Variants in GRAP2 observed in about 807,000 individuals in gnomAD.
The protein encoded by GRAP2 is GRB2-related adapter protein 2.
In GRAP2, 31 loss-of-function variants were observed where a neutral mutation model predicts 43.5. The ratio of observed to expected loss-of-function variants is 0.71; its 90% CI spans 0.54 to 0.96. The LOEUF is 0.96. Among genes scored for constraint, GRAP2 ranks in the 40% least tolerant of loss-of-function variants. The pLI is 0.00. For synonymous variants in GRAP2, 156 were observed against 164.8 expected, an observed-to-expected ratio of 0.95 and a Z score of 0.41; for missense variants, 371 against 424.4, an observed-to-expected ratio of 0.87 and a Z score of 1.11.
At chr22:39,917,296 C>T (rs1033429124) in intron 1 of GRAP2, among the ~76,000 whole-genome samples, 1 of 152,110 alleles carries the variant, frequency 6.6e-6, no homozygotes, top group Non-Finnish European at 1.5e-5. Flanking sequence ...CAGCCCAAAG[C>T]CCCCCTCTCT....
At chr22:39,967,018 A>G (rs1400454294) in intron 5 of GRAP2, among the ~76,000 whole-genome samples, 1 of 151,778 alleles carries the variant, frequency 6.6e-6, no homozygotes, top group Non-Finnish European at 1.5e-5. Context: ...ACACACACCA[A>G]TTTATGAACT....
chr22:39,953,825 G>C (rs1192305698), intron 2 of GRAP2, among the ~76,000 whole-genome samples: 1 of 152,170 alleles, frequency 6.6e-6, no homozygotes, highest in African/African-American at 2.4e-5. Context: ...TGTTGCCCAG[G>C]CTGGTCTCAA....
intron 2 of GRAP2, among the ~76,000 whole-genome samples, chr22:39,953,194 C>T (rs535221195): frequency 4.6e-5 from 7 of 152,328 alleles, no homozygotes; most frequent in Non-Finnish European, 8.8e-5. Flanking sequence ...CAACCTTAGC[C>T]TCTCTCCTGG....
At chr22:39,941,231 A>G in intron 1 of GRAP2, among the ~76,000 whole-genome samples, 1 of 152,222 alleles carries the variant, frequency 6.6e-6, no homozygotes, top group East Asian at 1.9e-4. Context: ...AGAATCTAAG[A>G]AAAAATAACA....
upstream of GRAP2, among the ~76,000 whole-genome samples, chr22:39,897,515 C>CTTTT (rs368180670): frequency 1.6e-5 from 2 of 127,650 alleles, no homozygotes; most frequent in African/African-American, 6.0e-5. Context: ...AAAGTAGCCT[C>CTTTT]TTTTTTTTTT....
At chr22:39,960,210 C>G in intron 4 of GRAP2, 36 bp downstream of exon 4, 1 of 1,601,574 alleles carries the variant, frequency 6.2e-7, no homozygotes, top group Non-Finnish European at 8.6e-7. Flanking sequence ...TGGCCCTTCT[C>G]GGCCTGTTAA....
intron 1 of GRAP2, among the ~76,000 whole-genome samples, chr22:39,905,206 C>G (rs558010170): frequency 2.0e-5 from 3 of 152,294 alleles, no homozygotes; most frequent in South Asian, 2.1e-4. Context: ...TATTTCCCAA[C>G]AAACTCTCAC....
intron 1 of GRAP2, among the ~76,000 whole-genome samples, chr22:39,902,795 C>T (rs1211064275): frequency 1.3e-5 from 2 of 152,160 alleles, no homozygotes; most frequent in Non-Finnish European, 2.9e-5. Flanking sequence ...CTGTCTACCT[C>T]GTAGGGATGT....
intron 2 of GRAP2, among the ~76,000 whole-genome samples, chr22:39,949,151 T>G (rs1053910846): frequency 7.2e-5 from 11 of 151,998 alleles, no homozygotes; most frequent in African/African-American, 2.4e-4. Context: ...CAAACCCCCA[T>G]GCCCATCTCA....
At chr22:39,967,663 C>G (rs6001714) in intron 5 of GRAP2, among the ~76,000 whole-genome samples, 3 of 152,264 alleles carry the variant, frequency 2.0e-5, no homozygotes, top group African/African-American at 7.2e-5. Flanking sequence ...TGGAGCTTAT[C>G]TGGAGGGTAG....
At chr22:39,920,939 CACAG>C (rs1275320920) in intron 1 of GRAP2, among the ~76,000 whole-genome samples, 1 of 97,044 alleles carries the variant, frequency 1.0e-5, no homozygotes, top group African/African-American at 5.0e-5. Flanking sequence ...AACTTCTCTA[CACAG>C]ACACACACAC....
intron 1 of GRAP2, chr22:39,926,722 A>G (rs1218696781): frequency 4.6e-5 from 45 of 985,180 alleles, no homozygotes; most frequent in Non-Finnish European, 5.3e-5. Flanking sequence ...TTTCCACTGG[A>G]AATTGTTAAT....
intron 1 of GRAP2, among the ~76,000 whole-genome samples, chr22:39,915,454 T>C (rs2066596222): frequency 6.6e-6 from 1 of 152,114 alleles, no homozygotes; most frequent in South Asian, 2.1e-4. Context: ...TCTGCATCAC[T>C]CTGCATTTCC....
intron 3 of GRAP2, among the ~76,000 whole-genome samples, chr22:39,959,502 C>T (rs1374924065): frequency 2.0e-5 from 3 of 152,130 alleles, no homozygotes; most frequent in African/African-American, 4.8e-5. Flanking sequence ...TGAGCAAAGC[C>T]CCCTTGTGCT....
Position 39,964,663 on chromosome 22 carries a change from T to C in GRAP2, c.291-1327T>C, listed in dbSNP as rs2067153400. The C allele has an allele frequency of 5.2e-6, 3 of 579,342 alleles. No homozygotes were observed. In the African/African-American group the frequency reaches 5.8e-5, roughly 11 times the overall value. 35.9% of individuals were successfully genotyped at this position (579,342 alleles called of 1,614,324 possible). A position where few individuals can be genotyped will look rare whatever the true frequency, so the allele number is the denominator to read the frequency against. ...CTATAATATCTTTTGCCACCTATAG[T>C]TGGAATTAAGTGTCGTCTTGGAGCT... is the stretch of plus-strand genomic sequence containing the variant. On this transcript the variant is annotated intron_variant, in intron 4 of 7. Transcript: ENST00000344138.
At chr22:39,930,205 A>G (rs545218951) in intron 1 of GRAP2, among the ~76,000 whole-genome samples, 1 of 152,294 alleles carries the variant, frequency 6.6e-6, no homozygotes, top group Non-Finnish European at 1.5e-5. Context: ...CTTGCATTCT[A>G]TTTCTATTGG....
chr22:39,966,044 C>G lies in GRAP2; in HGVS notation c.345C>G (p.Tyr115Ter). The G allele has an allele frequency of 6.2e-7, 1 of 1,613,890 alleles. No individual in the cohort carries two copies. The highest frequency in any genetic ancestry group is 8.5e-7 in the Non-Finnish European group (1 of 1,179,722). The change falls in exon 5 of 8, where the codon TAC becomes TAG. Residue 115 changes from tyrosine to a stop codon, truncating the protein, a stop_gained. Transcript: ENST00000344138. LOFTEE classifies it high-confidence loss of function. ...TCATGCGAGACAACAAGGGTAATTA[C>G]TTTCTGTGGACTGAGAAGTTTCCAT... The part of the protein sequence containing the change: ...FKVMRDNKGN[Y>*]FLWTEKFPSL...
chr22:39,918,765 C>A (rs1220669784), intron 1 of GRAP2, among the ~76,000 whole-genome samples: 1 of 152,098 alleles, frequency 6.6e-6, no homozygotes, highest in African/African-American at 2.4e-5. Flanking sequence ...TTTTGTCCTG[C>A]CTTTTGAGAG....
intron 1 of GRAP2, among the ~76,000 whole-genome samples, chr22:39,902,828 T>C (rs1381328966): frequency 6.6e-6 from 1 of 152,184 alleles, no homozygotes; most frequent in African/African-American, 2.4e-5. Flanking sequence ...TGAGTTAACA[T>C]AGATATGAAG....
Sources: gnomAD v4.1 joint callset for allele counts (sites outside exome capture counted in the v4.1 genomes callset) on GRCh38, gnomAD v4.1.1 for gene constraint, MANE v1.5 for transcripts, NCBI Gene and HGNC (gene_info 2026-07-23, HGNC 2026-07-21) for gene names.